CBLB: variants seen among roughly 807,000 people sequenced by gnomAD.
CBLB encodes E3 ubiquitin-protein ligase CBL-B.
Under a neutral mutation model 104.9 loss-of-function variants are expected in CBLB, and 31 were observed. The ratio of observed to expected loss-of-function variants is 0.30; its 90% CI spans 0.22 to 0.40. CBLB has a LOEUF of 0.40. Ranked by LOEUF, CBLB falls within the 10% of genes least tolerant of loss-of-function variation. The pLI, the probability that CBLB is intolerant of heterozygous loss-of-function variation, is 1.00. For synonymous variants in CBLB, 440 were observed against 422.6 expected (o/e 1.04, Z -0.51); for missense variants, 1,062 against 1,214.6 (o/e 0.87, Z 1.87).
intron 3 of CBLB, among the ~76,000 whole-genome samples, chr3:105,844,090 A>G (rs1325900701): frequency 6.6e-6 from 1 of 152,226 alleles, no homozygotes; most frequent in Non-Finnish European, 1.5e-5. Flanking sequence ...ACACACGTAC[A>G]TACACAGAGA....
At chr3:105,846,288 AG>A (rs1391023383) in intron 3 of CBLB, among the ~76,000 whole-genome samples, 2 of 152,092 alleles carry the variant, frequency 1.3e-5, no homozygotes, top group African/African-American at 4.8e-5. Flanking sequence ...CAGAAAAACT[AG>A]GTTAATTTTT....
At chr3:105,761,712 T>C (rs1011510706) in intron 4 of CBLB, among the ~76,000 whole-genome samples, 24 of 152,202 alleles carry the variant, frequency 1.6e-4, no homozygotes, top group African/African-American at 5.5e-4. Context: ...AATGTACTAA[T>C]ACAGTAAATT....
intron 2 of CBLB, among the ~76,000 whole-genome samples, chr3:105,859,611 T>A (rs6805573): frequency 6.7e-6 from 1 of 148,630 alleles, no homozygotes; most frequent in South Asian, 2.1e-4. Context: ...GCCGAGATCG[T>A]GCCACTGCAC....
rs2063513539 is a variant in CBLB, at chr3:105,658,878, C to T, written c.*92G>A. 3 of 1,410,666 alleles carry T rather than the reference C, an allele frequency of 2.1e-6. No homozygotes were observed. 87.4% of individuals were successfully genotyped at this position (1,410,666 alleles called of 1,614,324 possible). On this transcript the variant is annotated 3_prime_UTR_variant, in exon 19 of 19. Transcript: ENST00000394030. The stretch of plus-strand genomic sequence containing the variant: ...CAAGCTGCTACACGAGGAGGAGACA[C>T]TTCTCTCTTGAATTCCATCTCAGTT...
intron 9 of CBLB, among the ~76,000 whole-genome samples, chr3:105,723,505 T>C (rs1397663261): frequency 6.6e-6 from 1 of 152,146 alleles, no homozygotes; most frequent in Non-Finnish European, 1.5e-5. Flanking sequence ...CATAATACAG[T>C]AAAATAATTC....
At chr3:105,765,098 C>A (rs896053712) in intron 4 of CBLB, among the ~76,000 whole-genome samples, 2 of 152,152 alleles carry the variant, frequency 1.3e-5, no homozygotes, top group Non-Finnish European at 2.9e-5. Context: ...ACAAGTTATA[C>A]AGAAGATCTA....
At chr3:105,822,429 C>T (rs377240466) in intron 3 of CBLB, among the ~76,000 whole-genome samples, 2 of 152,126 alleles carry the variant, frequency 1.3e-5, no homozygotes, top group African/African-American at 2.4e-5. Flanking sequence ...TGGAACTAAC[C>T]GGTACTCTCT....
chr3:105,849,418 A>G (rs1244317094), intron 3 of CBLB, among the ~76,000 whole-genome samples: 2 of 152,068 alleles, frequency 1.3e-5, no homozygotes, highest in Non-Finnish European at 2.9e-5. Context: ...ACAGTGAACA[A>G]AATTCACTTG....
intron 3 of CBLB, among the ~76,000 whole-genome samples, chr3:105,848,310 C>T (rs1294060811): frequency 3.3e-5 from 5 of 152,076 alleles, no homozygotes; most frequent in African/African-American, 1.2e-4. Flanking sequence ...TATCTACTCT[C>T]AAGGCAAAAG....
intron 3 of CBLB, among the ~76,000 whole-genome samples, chr3:105,827,837 A>G (rs1446595403): frequency 6.6e-6 from 1 of 152,220 alleles, no homozygotes; most frequent in Non-Finnish European, 1.5e-5. Context: ...TCTGAAAACA[A>G]GATATAGTTA....
intron 9 of CBLB, among the ~76,000 whole-genome samples, chr3:105,724,425 C>T (rs2073316181): frequency 6.6e-6 from 1 of 152,020 alleles, no homozygotes; most frequent in Non-Finnish European, 1.5e-5. Context: ...TTCTACCTTC[C>T]CCAATTACAG....
intron 17 of CBLB, among the ~76,000 whole-genome samples, chr3:105,675,086 T>TA (rs1376110090): frequency 6.6e-6 from 1 of 151,966 alleles, no homozygotes; most frequent in East Asian, 1.9e-4. Context: ...CTTGATTAGG[T>TA]ACTTAGTATA....
chr3:105,851,984 A>AAAAGC (rs1240456439), intron 3 of CBLB, among the ~76,000 whole-genome samples: 1 of 152,234 alleles, frequency 6.6e-6, no homozygotes, highest in African/African-American at 2.4e-5. Flanking sequence ...CCAGTCACAT[A>AAAAGC]AAAGCATAGC....
chr3:105,709,820 C>T (rs543615644), intron 10 of CBLB, among the ~76,000 whole-genome samples: 22 of 151,984 alleles, frequency 1.4e-4, no homozygotes, highest in African/African-American at 5.3e-4. Flanking sequence ...GGCTCTTTTG[C>T]TGTCCAGATG....
At chr3:105,844,206 G>A (rs896470463) in intron 3 of CBLB, among the ~76,000 whole-genome samples, 3 of 152,174 alleles carry the variant, frequency 2.0e-5, no homozygotes, top group Non-Finnish European at 4.4e-5. Context: ...CTATTCTAGA[G>A]GGTTCTGAGG....
intron 3 of CBLB, among the ~76,000 whole-genome samples, chr3:105,786,597 C>G (rs934424228): frequency 6.6e-6 from 1 of 152,052 alleles, no homozygotes; most frequent in Non-Finnish European, 1.5e-5. Flanking sequence ...TATCCTTCCC[C>G]AAAAGAAAAA....
At chr3:105,679,777 A>C (rs2066090503) in intron 16 of CBLB, among the ~76,000 whole-genome samples, 1 of 152,172 alleles carries the variant, frequency 6.6e-6, no homozygotes, top group African/African-American at 2.4e-5. Flanking sequence ...TGTCTCAAAA[A>C]AAAAAAAAGA....
At chr3:105,834,637 C>T (rs2088147044) in intron 3 of CBLB, among the ~76,000 whole-genome samples, 1 of 142,618 alleles carries the variant, frequency 7.0e-6, no homozygotes, top group Non-Finnish European at 1.5e-5. Context: ...GCCTGAGCGA[C>T]AGAGCAAAAC....
chr3:105,867,231 C>CA lies in CBLB; in HGVS notation c.168+178dup, dbSNP rs2092475742. On this transcript the variant is annotated intron_variant, in intron 2 of 18. Coordinates refer to ENST00000394030, the MANE Select transcript of CBLB (RefSeq NM_170662.5). ...GTAGAAAGGATGAAAGGTTAAAAAA[C>CA]AAAAAAGTCTTTGAATCCAACTTTT... Among the ~76,000 whole-genome samples the CA allele has an allele frequency of 2.0e-5, 3 of 152,110 alleles. No individual in the cohort carries two copies. In the South Asian group the frequency reaches 6.2e-4, roughly 32 times the overall value.
Sources: gnomAD v4.1 joint callset for allele counts (sites outside exome capture counted in the v4.1 genomes callset) on GRCh38, gnomAD v4.1.1 for gene constraint, MANE v1.5 for transcripts, NCBI Gene and HGNC (gene_info 2026-07-23, HGNC 2026-07-21) for gene names.